PDE6D: variants seen among roughly 807,000 people sequenced by gnomAD.
The protein encoded by PDE6D is retinal rod rhodopsin-sensitive cGMP 3',5'-cyclic phosphodiesterase subunit delta.
PDE6D carries 10 observed loss-of-function variants against 21.9 expected under a neutral mutation model. That is an observed-to-expected ratio of 0.46 (90% CI 0.28 to 0.78). The LOEUF is 0.78. Among genes scored for constraint, PDE6D ranks in the 30% least tolerant of loss-of-function variants. The pLI is 0.12. For missense variants in PDE6D, 139 were observed against 184.8 expected (o/e 0.75, Z 1.44); for synonymous variants, 59 against 63.5 (o/e 0.93, Z 0.34).
At chr2:231,774,007 C>T (rs1393071937) in intron 1 of PDE6D, among the ~76,000 whole-genome samples, 1 of 152,034 alleles carries the variant, frequency 6.6e-6, no homozygotes, top group African/African-American at 2.4e-5. Context: ...GATCTCGGCT[C>T]ACTGCAACCT....
chr2:231,779,108 AG>A (rs1325293233), intron 1 of PDE6D: 3 of 152,240 alleles, frequency 2.0e-5, no homozygotes, highest in Non-Finnish European at 2.9e-5. Flanking sequence ...ACAAATGCCC[AG>A]TAAAGGCTAC....
In PDE6D at chr2:231,760,348, G is replaced by C. The variant is rs933452496; in HGVS notation, c.50+20717C>G. Among the ~76,000 whole-genome samples, 5 of 152,154 alleles carry C rather than the reference G, an allele frequency of 3.3e-5. No individual in the cohort carries two copies. In the East Asian group the frequency reaches 9.6e-4, roughly 29 times the overall value. ...GATGGCTAAGATGTACTGAGTACTA[G>C]ATAGTATGCTAATAATTTAGATATT... On this transcript the variant is annotated intron_variant, in intron 1 of 4. Coordinates refer to ENST00000287600, the MANE Select transcript of PDE6D (RefSeq NM_002601.4).
chr2:231,743,993 C>T (rs2048771729), intron 1 of PDE6D, among the ~76,000 whole-genome samples: 1 of 152,172 alleles, frequency 6.6e-6, no homozygotes, highest in African/African-American at 2.4e-5. Flanking sequence ...CTTTCACAGC[C>T]GATAGTGTCC....
intron 1 of PDE6D, among the ~76,000 whole-genome samples, chr2:231,758,371 G>C (rs1215442746): frequency 1.3e-5 from 2 of 151,854 alleles, no homozygotes; most frequent in Non-Finnish European, 2.9e-5. Context: ...TCCTGGGCTC[G>C]AGTGATGCCC....
rs1052127059 is a variant in PDE6D, at chr2:231,739,738, T to A, written c.51-550A>T. On this transcript the variant is annotated intron_variant, in intron 1 of 4. Coordinates refer to ENST00000287600, the MANE Select transcript of PDE6D (RefSeq NM_002601.4). The surrounding 1 kb of genome is among the most constrained non-coding windows in gnomAD (Gnocchi z 4.2). ...CCTTCATCTCCTTGGTTCAAGCAAT[T>A]CTTGTGCCTCAGCCTCCTGAGTAGC... Among the ~76,000 whole-genome samples the A allele has an allele frequency of 2.0e-5, 3 of 152,000 alleles. No individual in the cohort carries two copies. Among genetic ancestry groups the A allele is most frequent in the Admixed American group, 1.3e-4 (2 of 15,242 alleles).
chr2:231,748,758 G>A (rs2048813443), intron 1 of PDE6D, among the ~76,000 whole-genome samples: 1 of 152,186 alleles, frequency 6.6e-6, no homozygotes, highest in Non-Finnish European at 1.5e-5. Flanking sequence ...TTGGTGCCAT[G>A]TCCCAGCTGC....
intron 1 of PDE6D, among the ~76,000 whole-genome samples, chr2:231,771,404 C>T (rs1266017197): frequency 1.3e-5 from 2 of 152,300 alleles, no homozygotes; most frequent in African/African-American, 4.8e-5. Flanking sequence ...AAGGTTCTGC[C>T]TTCGTCTAAG....
intron 4 of PDE6D, among the ~76,000 whole-genome samples, chr2:231,736,277 G>A (rs2048701802): frequency 6.6e-6 from 1 of 151,818 alleles, no homozygotes; most frequent in African/African-American, 2.4e-5. Context: ...AGGAACTGTT[G>A]AAAGAGATGA....
At chr2:231,781,012 T>A in intron 1 of PDE6D, 53 bp downstream of exon 1, 1 of 1,520,900 alleles carries the variant, frequency 6.6e-7, no homozygotes, top group East Asian at 2.3e-5. Flanking sequence ...GTCTCCTCAG[T>A]GAGCGGCCGC....
chr2:231,754,268 C>A (rs1168234465), intron 1 of PDE6D, among the ~76,000 whole-genome samples: 1 of 152,134 alleles, frequency 6.6e-6, no homozygotes, highest in Non-Finnish European at 1.5e-5. Context: ...CAGAGTAAAG[C>A]CAGCCATATC....
intron 1 of PDE6D, among the ~76,000 whole-genome samples, chr2:231,750,837 C>T (rs1395248328): frequency 6.6e-6 from 1 of 151,924 alleles, no homozygotes; most frequent in Non-Finnish European, 1.5e-5. Flanking sequence ...TATTTTTTCA[C>T]TGCAAAGATG....
At chr2:231,754,734 CAAA>C (rs2048870065) in intron 1 of PDE6D, among the ~76,000 whole-genome samples, 1 of 151,432 alleles carries the variant, frequency 6.6e-6, no homozygotes, top group African/African-American at 2.4e-5. Context: ...AAACTTATTC[CAAA>C]GAATGGCAGT....
At chr2:231,735,168 G>A (rs1326104265) in intron 4 of PDE6D, among the ~76,000 whole-genome samples, 1 of 148,544 alleles carries the variant, frequency 6.7e-6, no homozygotes, top group Non-Finnish European at 1.5e-5. Context: ...TGGGAACCTG[G>A]GAGGTGGAGC....
chr2:231,749,470 C>A (rs2048820604), intron 1 of PDE6D, among the ~76,000 whole-genome samples: 1 of 149,634 alleles, frequency 6.7e-6, no homozygotes, highest in African/African-American at 2.5e-5. Context: ...GCGGATGGGA[C>A]TTGCCAAGGC....
At chr2:231,748,649 G>A (rs1426615435) in intron 1 of PDE6D, among the ~76,000 whole-genome samples, 1 of 152,194 alleles carries the variant, frequency 6.6e-6, no homozygotes, top group Non-Finnish European at 1.5e-5. Flanking sequence ...CCACATCAGA[G>A]AACTTCCCTG....
chr2:231,733,693 G>GC (rs35145561), intron 4 of PDE6D, among the ~76,000 whole-genome samples: 41,948 of 152,054 alleles, frequency 0.28, 6,027 homozygotes, highest in Non-Finnish European at 0.32. Context: ...CTTCCAAGCC[G>GC]CCCAGCTCTC....
chr2:231,752,446 A>G (rs185308011), intron 1 of PDE6D, among the ~76,000 whole-genome samples: 30 of 152,358 alleles, frequency 2.0e-4, no homozygotes, highest in Non-Finnish European at 2.9e-4. Flanking sequence ...CGATATAAGC[A>G]AGTGTAGGAC....
chr2:231,767,599 C>G (rs1332996267), intron 1 of PDE6D, among the ~76,000 whole-genome samples: 1 of 152,102 alleles, frequency 6.6e-6, no homozygotes, highest in African/African-American at 2.4e-5. Context: ...ACGGTGTGAG[C>G]CACCGCACCC....
At position 231,739,370 on chromosome 2, in the gene PDE6D, C is replaced by T; in HGVS notation, c.51-182G>A. ...TCAAAAAGACATCTAAAGGAAGAAG[C>T]AGAAACCTAGAGAAGTTACTTTTAT... On this transcript the variant is annotated intron_variant, in intron 1 of 4. Transcript: ENST00000287600. The surrounding 1 kb of genome is among the most constrained non-coding windows in gnomAD (Gnocchi z 4.2). 2.8e-6 allele frequency: 2 copies of T among 724,728 alleles called. No homozygotes were observed. Among genetic ancestry groups the T allele is most frequent in the Non-Finnish European group, 5.1e-6 (2 of 392,580 alleles). 44.9% of individuals were successfully genotyped at this position (724,728 alleles called of 1,614,324 possible). A position where few individuals can be genotyped will look rare whatever the true frequency, so the allele number is the denominator to read the frequency against.
Sources: gnomAD v4.1 joint callset for allele counts (sites outside exome capture counted in the v4.1 genomes callset) on GRCh38, gnomAD v4.1.1 for gene constraint, Gnocchi (gnomAD v3.1) non-coding constraint, MANE v1.5 for transcripts, NCBI Gene and HGNC (gene_info 2026-07-23, HGNC 2026-07-21) for gene names.